GNG7: variants seen among roughly 807,000 people sequenced by gnomAD.
GNG7 encodes G protein subunit gamma 7, also known as guanine nucleotide-binding protein G(I)/G(S)/G(O) subunit gamma-7.
A neutral mutation model predicts 4.0 loss-of-function variants in GNG7; 1 was observed. The ratio of observed to expected loss-of-function variants is 0.25; its 90% CI spans 0.09 to 1.18. The LOEUF is 1.18. Among genes scored for constraint, GNG7 ranks in the 50% most tolerant of loss-of-function variants. GNG7 has a pLI of 0.50. For missense variants in GNG7, 86 were observed against 91.9 expected (o/e 0.94, Z 0.26); for synonymous variants, 34 against 36.9 (o/e 0.92, Z 0.29).
intron 1 of GNG7, among the ~76,000 whole-genome samples, chr19:2,678,377 G>A (rs574771518): frequency 7.2e-5 from 11 of 152,308 alleles, no homozygotes; most frequent in Middle Eastern, 6.8e-3. Context: ...AGGTATTGTG[G>A]CATAGCAAGG....
chr19:2,680,294 C>T (rs8102222), intron 1 of GNG7, among the ~76,000 whole-genome samples: 39,292 of 151,380 alleles, frequency 0.26, 5,502 homozygotes, highest in East Asian at 0.55. Context: ...GGATAACAGG[C>T]ACCCGCCACC....
rs1979390287 is a variant in GNG7, at chr19:2,553,144, A to AG, written c.-38+2004dup. The stretch of plus-strand genomic sequence containing the variant: ...CAAAACCAAAAAAAAAAAAAAAAAG[A>AG]GGAAATAAGATGCAGATAACTACAC... On this transcript the variant is annotated intron_variant, in intron 3 of 4. Coordinates refer to ENST00000382159, the MANE Select transcript of GNG7 (RefSeq NM_052847.3). Among the ~76,000 whole-genome samples the AG allele has an allele frequency of 1.4e-5, 2 of 144,818 alleles. 1 individual carries two copies. The highest frequency in any genetic ancestry group is 4.4e-4 in the South Asian group (2 of 4,498).
intron 3 of GNG7, among the ~76,000 whole-genome samples, chr19:2,539,881 T>C (rs1978892183): frequency 1.8e-5 from 1 of 55,672 alleles, no homozygotes; most frequent in East Asian, 9.3e-4. Flanking sequence ...TCTCTCTCCC[T>C]CTCCTTCCTT....
rs535194164 is a variant in GNG7, at chr19:2,514,745, C to G, written c.*277G>C. 2.2e-4 allele frequency: 58 copies of G among 260,890 alleles called. No individual in the cohort carries two copies. Among genetic ancestry groups the G allele is most frequent in the Non-Finnish European group, 2.8e-4 (38 of 135,942 alleles). The allele number at this position is 260,890 out of a possible 1,614,324, so 16.2% of individuals were successfully genotyped here. A position where few individuals can be genotyped will look rare whatever the true frequency, so the allele number is the denominator to read the frequency against. On this transcript the variant is annotated 3_prime_UTR_variant, in exon 5 of 5. Coordinates refer to ENST00000382159, the MANE Select transcript of GNG7 (RefSeq NM_052847.3). ...TCAGTTATTCCGAACGGGAAGTGGC[C>G]GTAAAGCCTCCATCCCTTTTGGCCC... is the stretch of plus-strand genomic sequence containing the variant.
In GNG7 at chr19:2,512,943, C is replaced by T. The variant is rs1972676496; in HGVS notation, c.*2079G>A. 1.0e-6 allele frequency: 1 copy of T among 985,486 alleles called. No individual in the cohort carries two copies. Among genetic ancestry groups the T allele is most frequent in the South Asian group, 4.7e-5 (1 of 21,292 alleles). The allele number at this position is 985,486 out of a possible 1,614,324, so 61.0% of individuals were successfully genotyped here. A position where few individuals can be genotyped will look rare whatever the true frequency, so the allele number is the denominator to read the frequency against. ...ACCCTGCCGGCTCCCAGCCCAACCA[C>T]AGGAGGCTGCAGTCTCCGGGAGCCT... On this transcript the variant is annotated 3_prime_UTR_variant, in exon 5 of 5. Transcript: ENST00000382159. The surrounding 1 kb of genome is among the most constrained non-coding windows in gnomAD (Gnocchi z 4.7).
At chr19:2,588,807 G>C (rs898740040) in intron 2 of GNG7, among the ~76,000 whole-genome samples, 1 of 152,096 alleles carries the variant, frequency 6.6e-6, no homozygotes, top group Non-Finnish European at 1.5e-5. Flanking sequence ...TCTTTCTGGG[G>C]AAACTGGCTT....
At chr19:2,560,669 G>GA (rs1437694258) in intron 2 of GNG7, among the ~76,000 whole-genome samples, 1 of 151,962 alleles carries the variant, frequency 6.6e-6, no homozygotes, top group Non-Finnish European at 1.5e-5. Context: ...TCATTATTTG[G>GA]AAAAAAGCTG....
At chr19:2,522,549 C>T (rs976530944) in intron 3 of GNG7, among the ~76,000 whole-genome samples, 3 of 151,506 alleles carry the variant, frequency 2.0e-5, no homozygotes, top group African/African-American at 4.9e-5. Flanking sequence ...CCGAGGCGGG[C>T]GGGTCACAAG....
intron 3 of GNG7, among the ~76,000 whole-genome samples, chr19:2,535,944 AG>A (rs1978721530): frequency 6.6e-6 from 1 of 151,852 alleles, no homozygotes; most frequent in African/African-American, 2.4e-5. Context: ...CGAGCAACAG[AG>A]TGAAACCCCA....
intron 1 of GNG7, among the ~76,000 whole-genome samples, chr19:2,702,041 C>T (rs1242135868): frequency 6.7e-6 from 1 of 149,768 alleles, no homozygotes; most frequent in African/African-American, 2.5e-5. Flanking sequence ...TCCTAGCTAA[C>T]CTGGACCTGC....
rs1161450111 is a variant in GNG7, at chr19:2,618,233, T to C, written c.-78+27991A>G. Among the ~76,000 whole-genome samples the C allele has an allele frequency of 1.3e-5, 2 of 152,156 alleles. No individual in the cohort carries two copies. Among genetic ancestry groups the C allele is most frequent in the Non-Finnish European group, 2.9e-5 (2 of 68,020 alleles). On this transcript the variant is annotated intron_variant, in intron 2 of 4. Coordinates refer to ENST00000382159, the MANE Select transcript of GNG7 (RefSeq NM_052847.3). The surrounding 1 kb of genome is among the most constrained non-coding windows in gnomAD (Gnocchi z 5.1). ...CTTCCACTCACCAGCTTCTCCATCT[T>C]GCCCAAATCCCTGCCAACCCCAGGG... is the stretch of plus-strand genomic sequence containing the variant.
chr19:2,613,924 T>A (rs1981644755), intron 2 of GNG7, among the ~76,000 whole-genome samples: 1 of 151,910 alleles, frequency 6.6e-6, no homozygotes, highest in African/African-American at 2.4e-5. Context: ...GGATCCTGAA[T>A]GAGAAAGGTG....
chr19:2,686,006 G>A (rs940978494), intron 1 of GNG7, among the ~76,000 whole-genome samples: 11 of 152,072 alleles, frequency 7.2e-5, no homozygotes, highest in Admixed American at 1.3e-4. Context: ...AGCCCCCACC[G>A]ATATCCTGCT....
intron 2 of GNG7, among the ~76,000 whole-genome samples, chr19:2,606,968 C>T (rs12980272): frequency 0.78 from 117,840 of 151,722 alleles, 47,482 homozygotes; most frequent in Non-Finnish European, 0.89. Context: ...TGCCTGTAAT[C>T]CCAGCACCTC....
chr19:2,678,381 A>G (rs541847148), intron 1 of GNG7, among the ~76,000 whole-genome samples: 1 of 152,356 alleles, frequency 6.6e-6, no homozygotes, highest in Non-Finnish European at 1.5e-5. Flanking sequence ...ATTGTGGCAT[A>G]GCAAGGCTTT....
At chr19:2,577,519 T>C (rs1980377342) in intron 2 of GNG7, among the ~76,000 whole-genome samples, 1 of 151,426 alleles carries the variant, frequency 6.6e-6, no homozygotes, top group African/African-American at 2.4e-5. Flanking sequence ...AGCAGGGGAG[T>C]GTCTTCCCAC....
rs1981096375 is a variant in GNG7, at chr19:2,598,475, G to C, written c.-77-43287C>G. Among the ~76,000 whole-genome samples the C allele has an allele frequency of 2.0e-5, 3 of 151,080 alleles. No homozygotes were observed. The South Asian group carries it at 6.3e-4, about 32-fold the overall frequency. ...GATCGAGACCATCCTGGCTAACACGGTGAAACCCCATCTCTACTAAAAATA... is the reference window on the plus strand; with the variant it reads ...GATCGAGACCATCCTGGCTAACACGCTGAAACCCCATCTCTACTAAAAATA... On this transcript the variant is annotated intron_variant, in intron 2 of 4. Transcript: ENST00000382159.
chr19:2,539,261 T>G (rs971980089), intron 3 of GNG7, among the ~76,000 whole-genome samples: 1 of 151,518 alleles, frequency 6.6e-6, no homozygotes, highest in Non-Finnish European at 1.5e-5. Flanking sequence ...GTGACGACAA[T>G]AAATTAAGGA....
intron 3 of GNG7, among the ~76,000 whole-genome samples, chr19:2,536,508 A>G (rs1978742293): frequency 6.6e-6 from 1 of 152,198 alleles, no homozygotes; most frequent in South Asian, 2.1e-4. Flanking sequence ...AATCAGAACT[A>G]AAGTGAAAGA....
Sources: gnomAD v4.1 joint callset for allele counts (sites outside exome capture counted in the v4.1 genomes callset) on GRCh38, gnomAD v4.1.1 for gene constraint, Gnocchi (gnomAD v3.1) non-coding constraint, MANE v1.5 for transcripts, NCBI Gene and HGNC (gene_info 2026-07-23, HGNC 2026-07-21) for gene names.